The following FGD4 variants were observed in gnomAD, a reference collection of about 807,000 sequenced individuals.
FGD4 encodes the protein FYVE, RhoGEF and PH domain-containing protein 4.
Under a neutral mutation model 102.0 loss-of-function variants are expected in FGD4, and 42 were observed. The observed-to-expected ratio is 0.41, with a 90% CI of 0.32 to 0.53. FGD4 has a LOEUF of 0.53. Ranked by LOEUF, FGD4 falls within the 20% of genes least tolerant of loss-of-function variation. The probability of loss-of-function intolerance (pLI) is 0.21; values close to 1 mark genes in which losing one functional copy is unlikely to be tolerated. For missense variants in FGD4, 902 were observed against 1,078.2 expected (o/e 0.84, Z 2.29); for synonymous variants, 380 against 375.7 (o/e 1.01, Z -0.13).
Position 32,564,227 on chromosome 12 carries a change from A to T in FGD4, c.257A>T (p.Glu86Val). 1 of 1,536,128 alleles carries T rather than the reference A, an allele frequency of 6.5e-7. No homozygotes were observed. The highest frequency in any genetic ancestry group is 8.7e-7 in the Non-Finnish European group (1 of 1,146,902). ...GTTGGTGAGAATGTATCTGAAGAAG[A>T]GGCTCAGGGAATAAATGGGAACAGG... The part of the protein sequence containing the change: ...TLVGENVSEE[E>V]AQGINGNRPA... Residue 86 changes from glutamate (E) to valine (V), a missense_variant, in exon 2 of 17, where the codon GAG (glutamate) becomes GTG (valine). Around this residue, in one of 2 missense-constraint regions of FGD4, gnomAD observed 443 missense variants for 459.2 expected, o/e 0.96. Coordinates refer to ENST00000534526, the MANE Select transcript of FGD4 (RefSeq NM_001370298.3).
At chr12:32,539,672 A>AT (rs1302531544) in intron 1 of FGD4, among the ~76,000 whole-genome samples, 1 of 152,050 alleles carries the variant, frequency 6.6e-6, no homozygotes, top group African/African-American at 2.4e-5. Context: ...ATAATTGGAA[A>AT]TTGACCTGCA....
chr12:32,549,961 C>T (rs942319919), intron 1 of FGD4, among the ~76,000 whole-genome samples: 4 of 152,204 alleles, frequency 2.6e-5, no homozygotes, highest in East Asian at 3.8e-4. Flanking sequence ...TCTTCCCCCT[C>T]GGCACGGCCT....
At chr12:32,600,441 A>G (rs1298700678) in intron 5 of FGD4, 3 of 1,288,038 alleles carry the variant, frequency 2.3e-6, no homozygotes, top group Non-Finnish European at 3.0e-6. Context: ...TAGAAAATTA[A>G]CAACCATCTG....
chr12:32,552,243 T>C (rs1943724847), intron 1 of FGD4, among the ~76,000 whole-genome samples: 1 of 152,068 alleles, frequency 6.6e-6, no homozygotes, highest in African/African-American at 2.4e-5. Context: ...GCTAGATCTT[T>C]CTGTAATCTT....
intron 1 of FGD4, among the ~76,000 whole-genome samples, chr12:32,548,999 C>G (rs1034653441): frequency 6.6e-6 from 1 of 152,148 alleles, no homozygotes; most frequent in Non-Finnish European, 1.5e-5. Context: ...GGGACAGAGT[C>G]CCTAGGGCAG....
intron 1 of FGD4, among the ~76,000 whole-genome samples, chr12:32,401,752 C>A (rs1940672816): frequency 7.8e-6 from 1 of 128,046 alleles, no homozygotes; most frequent in Non-Finnish European, 1.6e-5. Context: ...TTTTGAGACG[C>A]AGTTTTGCGC....
rs138642560 is a variant in FGD4 at position 32,548,141 on chromosome 12, T to C, written c.167-15996T>C. ...CCTTGCATTTACAGAGTTGACTTGG[T>C]GTCCAGAGAACAAATCAGTTGAGAA... On this transcript the variant is annotated intron_variant, in intron 1 of 16. Transcript: ENST00000534526. 2.3e-3 allele frequency among the ~76,000 whole-genome samples: 343 copies of C among 152,308 alleles called. 1 individual carries two copies. Among genetic ancestry groups the C allele is most frequent in the African/African-American group, 7.8e-3 (326 of 41,564 alleles).
In FGD4 at chr12:32,404,458, T is replaced by C. The variant is rs573987055; in HGVS notation, c.166+4499T>C. Among the ~76,000 whole-genome samples, 3 of 152,218 alleles carry C rather than the reference T, an allele frequency of 2.0e-5. No individual in the cohort carries two copies. The South Asian group carries it at 6.2e-4, about 32-fold the overall frequency. On this transcript the variant is annotated intron_variant, in intron 1 of 16. Transcript: ENST00000534526. ...ATGTGTATGTTACCTCTAGTTCTTA[T>C]AACAACCCTGAAAAAATAGGTGGTA...
intron 1 of FGD4, among the ~76,000 whole-genome samples, chr12:32,539,888 TTTG>T (rs1942660951): frequency 6.6e-6 from 1 of 152,204 alleles, no homozygotes; most frequent in South Asian, 2.1e-4. Flanking sequence ...TGAAAATAAT[TTTG>T]TTATTTTATA....
rs193232593 is a variant in FGD4 at position 32,636,952 on chromosome 12, T to C, written c.2314-1703T>C. ...GTGGTGCGATCTCAGCTCACTGCAA[T>C]CTCTGCCTCCCCGGTCCAAGCAATT... On this transcript the variant is annotated intron_variant, in intron 15 of 16. Transcript: ENST00000534526. Among the ~76,000 whole-genome samples the C allele has an allele frequency of 2.3e-3, 342 of 150,130 alleles. 1 individual carries two copies. Among genetic ancestry groups the C allele is most frequent in the African/African-American group, 7.8e-3 (319 of 40,928 alleles).
chr12:32,423,322 T>C (rs1474043440), intron 1 of FGD4, among the ~76,000 whole-genome samples: 2 of 152,126 alleles, frequency 1.3e-5, no homozygotes, highest in African/African-American at 2.4e-5. Context: ...GCCAGCACGG[T>C]GACTCACACC....
rs746921570 is a variant in FGD4, at chr12:32,498,598, TTTTGTTTG to T, written c.167-65518_167-65511del. 9.2e-3 allele frequency among the ~76,000 whole-genome samples: 1,406 copies of T among 152,148 alleles called. 29 individuals are homozygous for T. Among genetic ancestry groups the T allele is most frequent in the African/African-American group, 0.032 (1,333 of 41,506 alleles). On this transcript the variant is annotated intron_variant, in intron 1 of 16. Coordinates refer to ENST00000534526, the MANE Select transcript of FGD4 (RefSeq NM_001370298.3). ...GCTGGGTCAAAGGTAGTTATTGGTT[TTTTGTTTG>T]TTTGTTTGTTTGTTTGTTTGAGACA...
intron 2 of FGD4, among the ~76,000 whole-genome samples, chr12:32,572,238 T>TA (rs1452569923): frequency 6.6e-6 from 1 of 152,228 alleles, no homozygotes; most frequent in African/African-American, 2.4e-5. Flanking sequence ...CAGTTGTTCA[T>TA]ATCCTAGCAG....
At chr12:32,521,367 C>T (rs539825162) in intron 1 of FGD4, among the ~76,000 whole-genome samples, 9 of 93,900 alleles carry the variant, frequency 9.6e-5, no homozygotes, top group East Asian at 4.9e-4. Flanking sequence ...GGCGAGACTC[C>T]GTCTCAAAAA....
rs371950904 is a variant in FGD4, at chr12:32,611,029, C to T, written c.1603-108C>T. ...GATGGAATTTATATTAAAATGTATG[C>T]TTACTCCTAATCCCTTCTAAATTTA... On this transcript the variant is annotated intron_variant, in intron 9 of 16. Transcript: ENST00000534526. The T allele has an allele frequency of 6.7e-5, 92 of 1,379,136 alleles. No individual in the cohort carries two copies. In the African/African-American group the frequency reaches 1.1e-3, roughly 17 times the overall value. 85.4% of individuals were successfully genotyped at this position (1,379,136 alleles called of 1,614,324 possible). A position where few individuals can be genotyped will look rare whatever the true frequency, so the allele number is the denominator to read the frequency against.
intron 9 of FGD4, 104 bp from the exon 10 acceptor site, chr12:32,611,033 C>T: frequency 7.1e-7 from 1 of 1,410,948 alleles, no homozygotes; most frequent in Non-Finnish European, 9.9e-7. Context: ...TGTATGCTTA[C>T]TCCTAATCCC....
rs989097488 is a variant in FGD4 at position 32,641,586 on chromosome 12, A to G, written c.*1053A>G. ...GCAGTAGTTAACATCAGCATGTACA[A>G]ACATTTTCACCAAAACCCAAACTTT... On this transcript the variant is annotated 3_prime_UTR_variant, in exon 17 of 17. Transcript: ENST00000534526. 5 of 152,214 alleles carry G rather than the reference A, an allele frequency of 3.3e-5. No individual in the cohort carries two copies. Among genetic ancestry groups the G allele is most frequent in the African/African-American group, 1.2e-4 (5 of 41,464 alleles). 9.4% of individuals were successfully genotyped at this position (152,214 alleles called of 1,614,324 possible).
chr12:32,480,631 G>C (rs896316253), intron 1 of FGD4, among the ~76,000 whole-genome samples: 4 of 151,468 alleles, frequency 2.6e-5, no homozygotes, highest in African/African-American at 4.9e-5. Flanking sequence ...CTTCCGAGTA[G>C]CTGGGATTAC....
In FGD4 at chr12:32,544,744, TTAC is replaced by T. The variant is rs375657987; in HGVS notation, c.167-19390_167-19388del. 7.0e-3 allele frequency among the ~76,000 whole-genome samples: 1,062 copies of T among 151,740 alleles called. 14 individuals carry two copies. Among genetic ancestry groups the T allele is most frequent in the South Asian group, 0.05 (241 of 4,794 alleles). On this transcript the variant is annotated intron_variant, in intron 1 of 16. Coordinates refer to ENST00000534526, the MANE Select transcript of FGD4 (RefSeq NM_001370298.3). The surrounding 1 kb of genome is among the most constrained non-coding windows in gnomAD (Gnocchi z 4.1). ...ATACTCTGTCTCCAAAAAAAAAAAA[TTAC>T]TATTAAAATTAGTCTTCATGGTGTT...
Sources: gnomAD v4.1 joint callset for allele counts (sites outside exome capture counted in the v4.1 genomes callset) on GRCh38, gnomAD v4.1.1 for gene constraint, gnomAD v4.1.1 regional missense constraint, Gnocchi (gnomAD v3.1) non-coding constraint, MANE v1.5 for transcripts, NCBI Gene and HGNC (gene_info 2026-07-23, HGNC 2026-07-21) for gene names.